The following COL26A1 variants were observed in gnomAD, a reference collection of about 807,000 sequenced individuals.
COL26A1 encodes the protein collagen alpha-1(XXVI) chain.
A neutral mutation model predicts 59.3 loss-of-function variants in COL26A1; 41 were observed. The observed-to-expected ratio is 0.69, with a 90% CI of 0.54 to 0.90. The LOEUF is 0.90. Among genes scored for constraint, COL26A1 ranks in the 40% least tolerant of loss-of-function variants. COL26A1 has a pLI of 0.00. For synonymous variants in COL26A1, 266 were observed against 256.0 expected, an observed-to-expected ratio of 1.04 and a Z score of -0.37; for missense variants, 612 against 602.3, an observed-to-expected ratio of 1.02 and a Z score of -0.17.
intron 3 of COL26A1, among the ~76,000 whole-genome samples, chr7:101,524,925 G>C (rs1167407094): frequency 6.6e-6 from 1 of 152,140 alleles, no homozygotes; most frequent in Non-Finnish European, 1.5e-5. Context: ...GGCAGAGAGG[G>C]AGAAAAACAG....
intron 5 of COL26A1, among the ~76,000 whole-genome samples, chr7:101,543,295 C>T (rs551358128): frequency 1.7e-4 from 26 of 152,138 alleles, no homozygotes; most frequent in African/African-American, 5.8e-4. Context: ...TCAACGTCCC[C>T]AGTAGCTGGG....
intron 3 of COL26A1, among the ~76,000 whole-genome samples, chr7:101,518,367 TG>T (rs542838977): frequency 1.1e-4 from 16 of 152,302 alleles, no homozygotes; most frequent in African/African-American, 3.1e-4. Context: ...CACCACAGCC[TG>T]GAGGCTCCAA....
intron 3 of COL26A1, among the ~76,000 whole-genome samples, chr7:101,467,788 A>C (rs1382230483): frequency 6.6e-6 from 1 of 151,694 alleles, no homozygotes; most frequent in Non-Finnish European, 1.5e-5. Context: ...AATGGCATGA[A>C]CCCGGGAAGC....
chr7:101,549,567 A>C (rs899966382), intron 9 of COL26A1, among the ~76,000 whole-genome samples: 1 of 152,046 alleles, frequency 6.6e-6, no homozygotes, highest in Non-Finnish European at 1.5e-5. Context: ...TTTTAGTAAG[A>C]GATGGGATTT....
At position 101,417,031 on chromosome 7, in the gene COL26A1, C is replaced by T. The variant is rs571050591; in HGVS notation, c.159-2946C>T. 1.1e-3 allele frequency among the ~76,000 whole-genome samples: 162 copies of T among 152,264 alleles called. 1 individual carries two copies. The highest frequency in any genetic ancestry group is 1.9e-4 in the Non-Finnish European group (13 of 68,016). ...TGCTGGGATTACGGGTGTGAGCCACCATGCCTGGCCAGAATTTTTTAGTGA... is the reference window on the plus strand; with the variant it reads ...TGCTGGGATTACGGGTGTGAGCCACTATGCCTGGCCAGAATTTTTTAGTGA... On this transcript the variant is annotated intron_variant, in intron 1 of 12. Coordinates refer to ENST00000313669, the MANE Select transcript of COL26A1 (RefSeq NM_001278563.3).
Position 101,489,739 on chromosome 7 carries a change from CTCTT to C in COL26A1, c.385+41961_385+41964del, listed in dbSNP as rs1554421211. 1.2e-4 allele frequency among the ~76,000 whole-genome samples: 6 copies of C among 50,488 alleles called. 1 individual carries two copies. Among genetic ancestry groups the C allele is most frequent in the East Asian group, 4.0e-4 (1 of 2,506 alleles). 33.1% of individuals were successfully genotyped at this position (50,488 alleles called of 152,430 possible). A position where few individuals can be genotyped will look rare whatever the true frequency, so the allele number is the denominator to read the frequency against. On this transcript the variant is annotated intron_variant, in intron 3 of 12. Transcript: ENST00000313669. ...ATTCTTTCTTTCTCTCTCTCTTTCT[CTCTT>C]TCTTTCTTGTCTCTCTTTCTTTCTT...
chr7:101,370,393 C>T (rs774882171), intron 1 of COL26A1, among the ~76,000 whole-genome samples: 6 of 151,630 alleles, frequency 4.0e-5, no homozygotes, highest in East Asian at 2.0e-4. Context: ...TTTTTTGAGA[C>T]GGAGTCTGGC....
At chr7:101,475,920 T>TCTCTCTC (rs1563000308) in intron 3 of COL26A1, among the ~76,000 whole-genome samples, 5,456 of 146,458 alleles carry the variant, frequency 0.037, 160 homozygotes, top group Non-Finnish European at 0.052. Context: ...CTCTCTCTCT[T>TCTCTCTC]TCTTTCTCTC....
At chr7:101,431,071 G>A (rs1435482607) in intron 2 of COL26A1, among the ~76,000 whole-genome samples, 4 of 152,052 alleles carry the variant, frequency 2.6e-5, no homozygotes, top group Non-Finnish European at 4.4e-5. Context: ...CAAAGTGCTG[G>A]GATCATAGGC....
chr7:101,370,736 G>C (rs939401635), intron 1 of COL26A1, among the ~76,000 whole-genome samples: 1 of 152,020 alleles, frequency 6.6e-6, no homozygotes, highest in Non-Finnish European at 1.5e-5. Context: ...CTTTCTTGTG[G>C]TTTCGTCTAA....
intron 3 of COL26A1, among the ~76,000 whole-genome samples, chr7:101,486,002 G>A (rs370659039): frequency 1.2e-3 from 186 of 152,096 alleles, no homozygotes; most frequent in African/African-American, 4.4e-3. Flanking sequence ...GTGAAACCGC[G>A]TCTCTATTGA....
rs950975145 is a variant in COL26A1, at chr7:101,369,965, C to T, written c.158+6775C>T. 3.7e-4 allele frequency among the ~76,000 whole-genome samples: 57 copies of T among 152,090 alleles called. 1 individual carries two copies. Among genetic ancestry groups the T allele is most frequent in the Non-Finnish European group, 1.5e-4 (10 of 68,032 alleles). ...GCAACTTCCGCCTCCCAGGTTCAAG[C>T]GATTCTCCTGCTTCAGCCTCCGTAG... is the stretch of plus-strand genomic sequence containing the variant. On this transcript the variant is annotated intron_variant, in intron 1 of 12. Transcript: ENST00000313669.
chr7:101,364,408 C>T (rs971929953), intron 1 of COL26A1, among the ~76,000 whole-genome samples: 1 of 151,984 alleles, frequency 6.6e-6, no homozygotes, highest in African/African-American at 2.4e-5. Context: ...CTCCTGGGCT[C>T]AAGCGATCCT....
chr7:101,546,230 T>C (rs111649204), intron 7 of COL26A1, among the ~76,000 whole-genome samples: 1,890 of 152,170 alleles, frequency 0.012, 30 homozygotes, highest in African/African-American at 0.041. Flanking sequence ...TCCCGGCAAC[T>C]GGGGAAGATT....
At chr7:101,451,072 C>T (rs1394937918) in intron 3 of COL26A1, among the ~76,000 whole-genome samples, 1 of 139,224 alleles carries the variant, frequency 7.2e-6, no homozygotes, top group Non-Finnish European at 1.5e-5. Context: ...ATTCCAGTAA[C>T]ATATAATATA....
intron 11 of COL26A1, among the ~76,000 whole-genome samples, chr7:101,555,031 C>T (rs1382637898): frequency 6.6e-6 from 1 of 152,186 alleles, no homozygotes; most frequent in Admixed American, 6.5e-5. Context: ...TCATGTTACA[C>T]CAGCAAAAGG....
At chr7:101,409,198 T>G (rs761635600) in intron 1 of COL26A1, among the ~76,000 whole-genome samples, 14 of 152,162 alleles carry the variant, frequency 9.2e-5, no homozygotes, top group Non-Finnish European at 2.1e-4. Context: ...TCAACTCTCA[T>G]CTCACTGGTT....
chr7:101,485,911 A>G (rs888629378), intron 3 of COL26A1, among the ~76,000 whole-genome samples: 9 of 152,116 alleles, frequency 5.9e-5, no homozygotes, highest in African/African-American at 1.2e-4. Flanking sequence ...GATGGCTCAC[A>G]TCTGTATTCT....
At chr7:101,495,192 C>T (rs1159323603) in intron 3 of COL26A1, among the ~76,000 whole-genome samples, 1 of 152,294 alleles carries the variant, frequency 6.6e-6, no homozygotes, top group African/African-American at 2.4e-5. Context: ...AGCTGGAACC[C>T]AACACACAGG....
Sources: gnomAD v4.1 joint callset for allele counts (sites outside exome capture counted in the v4.1 genomes callset) on GRCh38, gnomAD v4.1.1 for gene constraint, MANE v1.5 for transcripts, NCBI Gene and HGNC (gene_info 2026-07-23, HGNC 2026-07-21) for gene names.